CATSPERE: variants seen among roughly 807,000 people sequenced by gnomAD.
CATSPERE encodes cation channel sperm-associated auxiliary subunit epsilon.
CATSPERE carries 93 observed loss-of-function variants against 114.1 expected under a neutral mutation model. The observed-to-expected ratio is 0.81, with a 90% CI of 0.69 to 0.97. CATSPERE has a LOEUF of 0.97. CATSPERE is among the 50% of genes least tolerant of loss of function. CATSPERE has a pLI of 0.00. For synonymous variants in CATSPERE, 341 were observed against 384.1 expected (o/e 0.89, Z 1.31); for missense variants, 1,058 against 1,131.6 (o/e 0.93, Z 0.93).
intron 2 of CATSPERE, among the ~76,000 whole-genome samples, chr1:244,475,549 T>TC (rs1357400369): frequency 6.9e-6 from 1 of 145,530 alleles, no homozygotes; most frequent in African/African-American, 2.6e-5. Flanking sequence ...TTTTTTTTTT[T>TC]TTTTTTGAGA....
chr1:244,461,452 T>C lies in CATSPERE; in HGVS notation c.23T>C (p.Val8Ala), dbSNP rs781687138. 3 of 1,376,916 alleles carry C rather than the reference T, an allele frequency of 2.2e-6. No homozygotes were observed. Among genetic ancestry groups the C allele is most frequent in the South Asian group, 1.9e-5 (1 of 53,522 alleles). The allele number at this position is 1,376,916 out of a possible 1,614,324, so 85.3% of individuals were successfully genotyped here. A position where few individuals can be genotyped will look rare whatever the true frequency, so the allele number is the denominator to read the frequency against. The change falls in exon 1 of 22, where the codon GTG (valine) becomes GCG (alanine). Residue 8 changes from valine (V) to alanine (A), a missense_variant. By Grantham distance (64) the Val-to-Ala change is moderately conservative (BLOSUM62 0). Around this residue, in one of 2 missense-constraint regions of CATSPERE, gnomAD observed 271 missense variants for 225.9 expected, o/e 1.20. Transcript: ENST00000366534. ...GCCATGTCAGCCCGGGAAGTGGCCGTGCTGCTGCTGTGGCTGAGCTGCTAT... is the reference window on the plus strand; with the variant it reads ...GCCATGTCAGCCCGGGAAGTGGCCGCGCTGCTGCTGTGGCTGAGCTGCTAT... MSAREVA[V>A]LLLWLSCYGS...
At chr1:244,520,092 T>A (rs764022766) in intron 8 of CATSPERE, among the ~76,000 whole-genome samples, 2 of 152,210 alleles carry the variant, frequency 1.3e-5, no homozygotes, top group Non-Finnish European at 2.9e-5. Flanking sequence ...AATTGTCTTC[T>A]CAGGTTCTTC....
chr1:244,573,005 C>T lies in CATSPERE; in HGVS notation c.1950+233C>T, dbSNP rs1664689175. Among the ~76,000 whole-genome samples the T allele has an allele frequency of 1.3e-5, 2 of 151,756 alleles. No individual in the cohort carries two copies. Among genetic ancestry groups the T allele is most frequent in the African/African-American group, 4.8e-5 (2 of 41,314 alleles). On this transcript the variant is annotated intron_variant, in intron 11 of 21. Coordinates refer to ENST00000366534, the MANE Select transcript of CATSPERE (RefSeq NM_001130957.2). This position sits in a 1 kb window ranked among gnomAD's most constrained non-coding sequence, Gnocchi z 4.0. ...AACACATTCCTTCAAAACTCATTGT[C>T]AATTGTATTGTTCACTTCTTCTTCT...
intron 19 of CATSPERE, among the ~76,000 whole-genome samples, chr1:244,611,720 G>C (rs1670755349): frequency 6.6e-6 from 1 of 152,204 alleles, no homozygotes; most frequent in Non-Finnish European, 1.5e-5. Flanking sequence ...TCTGGAGTTA[G>C]GGACAGGGAT....
intron 17 of CATSPERE, among the ~76,000 whole-genome samples, chr1:244,603,396 G>C (rs559385182): frequency 1.3e-5 from 2 of 152,160 alleles, no homozygotes; most frequent in Non-Finnish European, 2.9e-5. Context: ...GTTACAAATT[G>C]CAAGGAAGAG....
At chr1:244,528,650 T>A (rs183131327) in intron 8 of CATSPERE, among the ~76,000 whole-genome samples, 1 of 152,294 alleles carries the variant, frequency 6.6e-6, no homozygotes, top group Admixed American at 6.5e-5. Flanking sequence ...AGTCTAATTA[T>A]ACTCTTTTAG....
intron 17 of CATSPERE, among the ~76,000 whole-genome samples, chr1:244,596,465 A>G (rs1376274194): frequency 6.6e-6 from 1 of 152,182 alleles, no homozygotes; most frequent in Non-Finnish European, 1.5e-5. Flanking sequence ...GAGTGAAGCC[A>G]AAAAACCTCC....
intron 7 of CATSPERE, among the ~76,000 whole-genome samples, chr1:244,507,472 A>G (rs1200700300): frequency 2.6e-5 from 4 of 152,168 alleles, no homozygotes; most frequent in Non-Finnish European, 4.4e-5. Context: ...TTTGCTGTGT[A>G]GAAGCTTTTT....
chr1:244,542,154 T>TAAA (rs539959314), intron 8 of CATSPERE, among the ~76,000 whole-genome samples: 3 of 140,496 alleles, frequency 2.1e-5, no homozygotes, highest in African/African-American at 2.6e-5. Flanking sequence ...ACATAAAGTA[T>TAAA]AAAAAAAAAA....
At chr1:244,461,594 C>T (rs1057330364) in intron 1 of CATSPERE, 100 bp downstream of exon 1, 100 of 970,062 alleles carry the variant, frequency 1.0e-4, no homozygotes, top group Non-Finnish European at 1.2e-4. Context: ...CTCGGGACCG[C>T]TCGCCCTGGC....
intron 2 of CATSPERE, among the ~76,000 whole-genome samples, chr1:244,469,336 G>T (rs768237509): frequency 1.3e-5 from 2 of 152,156 alleles, no homozygotes. Flanking sequence ...CATATAAGGA[G>T]ATTAAGTCCT....
chr1:244,489,833 G>C (rs1671685278), intron 5 of CATSPERE, among the ~76,000 whole-genome samples: 1 of 151,898 alleles, frequency 6.6e-6, no homozygotes, highest in Non-Finnish European at 1.5e-5. Flanking sequence ...CACGTAGTTA[G>C]ATATATGTAT....
chr1:244,518,280 A>C (rs1177221286), intron 7 of CATSPERE, among the ~76,000 whole-genome samples: 2 of 152,176 alleles, frequency 1.3e-5, no homozygotes, highest in African/African-American at 2.4e-5. Context: ...AAACTCTACT[A>C]TGTATTTCAT....
chr1:244,610,250 T>C lies in CATSPERE; in HGVS notation c.2414T>C (p.Leu805Ser). The change falls in exon 19 of 22, where the codon TTA becomes TCA. Residue 805 changes from leucine (L) to serine (S), a missense_variant. Transcript: ENST00000366534. Reference sequence around the variant, plus strand: ...GCCATCTTTTGACAGAGTGGTTGTTTACATGAAGCACAGACATGGAAGTCA... The same window carrying C: ...GCCATCTTTTGACAGAGTGGTTGTTCACATGAAGCACAGACATGGAAGTCA... Reference protein sequence around the residue: ...FNNTMAQSGCLHEAQTWKSMI... With the variant: ...FNNTMAQSGCSHEAQTWKSMI... 3 of 1,606,276 alleles carry C rather than the reference T, an allele frequency of 1.9e-6. No homozygotes were observed. The highest frequency in any genetic ancestry group is 2.6e-6 in the Non-Finnish European group (3 of 1,176,000).
Position 244,572,411 on chromosome 1 carries a change from T to C in CATSPERE, c.1589T>C (p.Leu530Pro). The C allele has an allele frequency of 6.3e-7, 1 of 1,589,972 alleles. No homozygotes were observed. Among genetic ancestry groups the C allele is most frequent in the Non-Finnish European group, 8.6e-7 (1 of 1,158,068 alleles). Residue 530 changes from leucine to proline, a missense_variant, in exon 11 of 22, where the codon CTG (leucine) becomes CCG (proline). Transcript: ENST00000366534. ...SKINTRDAVK[L>P]HLWTNYTTRA... ...ATTAATACTAGAGATGCAGTAAAGC[T>C]GCATTTATGGACAAATTACACAACA...
At chr1:244,461,954 C>T (rs1436851418) in intron 1 of CATSPERE, among the ~76,000 whole-genome samples, 1 of 152,086 alleles carries the variant, frequency 6.6e-6, no homozygotes, top group African/African-American at 2.4e-5. Flanking sequence ...GCTGTGACAA[C>T]AGGCACGCGC....
chr1:244,480,484 G>A (rs149097174), intron 5 of CATSPERE, among the ~76,000 whole-genome samples: 11 of 152,168 alleles, frequency 7.2e-5, no homozygotes, highest in Non-Finnish European at 1.2e-4. Flanking sequence ...CTATTCCTCC[G>A]TATTCTGTGA....
chr1:244,462,059 C>T (rs1666905796), intron 1 of CATSPERE, among the ~76,000 whole-genome samples: 1 of 152,172 alleles, frequency 6.6e-6, no homozygotes, highest in African/African-American at 2.4e-5. Context: ...TTAAGTGATC[C>T]TCCTGCCGGG....
At chr1:244,458,161 C>G (rs1322322047), upstream of CATSPERE, among the ~76,000 whole-genome samples, 3 of 152,010 alleles carry the variant, frequency 2.0e-5, no homozygotes, top group Non-Finnish European at 4.4e-5. Flanking sequence ...ATTAATAACT[C>G]TGGGAGACTG....
Sources: gnomAD v4.1 joint callset for allele counts (sites outside exome capture counted in the v4.1 genomes callset) on GRCh38, gnomAD v4.1.1 for gene constraint, gnomAD v4.1.1 regional missense constraint, Gnocchi (gnomAD v3.1) non-coding constraint, MANE v1.5 for transcripts, NCBI Gene and HGNC (gene_info 2026-07-23, HGNC 2026-07-21) for gene names.